The following SLC7A8 variants were observed in gnomAD, a reference collection of about 807,000 sequenced individuals.
SLC7A8 encodes the protein large neutral amino acids transporter small subunit 2.
A neutral mutation model predicts 51.2 loss-of-function variants in SLC7A8; 30 were observed. That is an observed-to-expected ratio of 0.59 (90% CI 0.44 to 0.80). The LOEUF (loss-of-function observed/expected upper bound fraction) is 0.80. Among genes scored for constraint, SLC7A8 ranks in the 30% least tolerant of loss-of-function variants. The pLI, the probability that SLC7A8 is intolerant of heterozygous loss-of-function variation, is 0.00. For missense variants in SLC7A8, 612 were observed against 674.4 expected (o/e 0.91, Z 1.03); for synonymous variants, 257 against 275.8 (o/e 0.93, Z 0.67).
chr14:23,164,610 CT>C (rs113840221), intron 3 of SLC7A8, among the ~76,000 whole-genome samples: 420 of 133,934 alleles, frequency 3.1e-3, no homozygotes, highest in Middle Eastern at 3.8e-3. Flanking sequence ...AAGTTTCTTT[CT>C]TTTTTTTTTT....
chr14:23,141,011 A>T (rs1474545721), intron 4 of SLC7A8, among the ~76,000 whole-genome samples: 2 of 152,230 alleles, frequency 1.3e-5, no homozygotes, highest in African/African-American at 4.8e-5. Context: ...GGTTGGGCAC[A>T]GTGGCTCAGG....
At chr14:23,162,524 C>A (rs571255473) in intron 3 of SLC7A8, among the ~76,000 whole-genome samples, 32 of 152,270 alleles carry the variant, frequency 2.1e-4, no homozygotes, top group Non-Finnish European at 4.0e-4. Flanking sequence ...GAATCTTTGA[C>A]TACAGGAATA....
rs537529061 is a variant in SLC7A8, at chr14:23,180,327, C to T, written c.151+2437G>A. On this transcript the variant is annotated intron_variant, in intron 1 of 10. Transcript: ENST00000316902. ...TTTGGTCTTGAAAACACTTGAATCA[C>T]GATCATCCACTGAGAAACTTCTCCA... Among the ~76,000 whole-genome samples the T allele has an allele frequency of 4.6e-5, 7 of 152,280 alleles. No individual in the cohort carries two copies. In the South Asian group the frequency reaches 6.2e-4, roughly 14 times the overall value.
chr14:23,169,446 G>A lies in SLC7A8; in HGVS notation c.152-2906C>T, dbSNP rs903342813. The stretch of plus-strand genomic sequence containing the variant: ...ACTAAGTGCTAGGGAACAGCCTGTC[G>A]CCCAGGCTGGAGTGCAGTGGCACGA... On this transcript the variant is annotated intron_variant, in intron 1 of 10. Coordinates refer to ENST00000316902, the MANE Select transcript of SLC7A8 (RefSeq NM_012244.4). Among the ~76,000 whole-genome samples, 54 of 152,188 alleles carry A rather than the reference G, an allele frequency of 3.5e-4. 1 individual carries two copies. Among genetic ancestry groups the A allele is most frequent in the South Asian group, 4.1e-4 (2 of 4,826 alleles).
At chr14:23,143,675 C>T (rs2048765515) in intron 3 of SLC7A8, among the ~76,000 whole-genome samples, 1 of 152,148 alleles carries the variant, frequency 6.6e-6, no homozygotes, top group Non-Finnish European at 1.5e-5. Context: ...TAAAACTCAC[C>T]TTTTTAAAGT....
chr14:23,165,222 AAAT>A lies in SLC7A8; in HGVS notation c.508+60_508+62del. 12 of 1,423,936 alleles carry A rather than the reference AAAT, an allele frequency of 8.4e-6. No homozygotes were observed. Among genetic ancestry groups the A allele is most frequent in the South Asian group, 6.1e-5 (4 of 65,566 alleles). The allele number at this position is 1,423,936 out of a possible 1,614,324, so 88.2% of individuals were successfully genotyped here. On this transcript the variant is annotated intron_variant, in intron 3 of 10. Transcript: ENST00000316902. This position sits in a 1 kb window ranked among gnomAD's most constrained non-coding sequence, Gnocchi z 4.2. Reference sequence around the variant, plus strand: ...GACAGAGTGAAGACTCTGTTTCTAAAAATAATAATAATAAATATAATAAAAGAG... The same window carrying A: ...GACAGAGTGAAGACTCTGTTTCTAAAAATAATAATAAATATAATAAAAGAG...
chr14:23,170,948 C>T (rs948456508), intron 1 of SLC7A8, among the ~76,000 whole-genome samples: 11 of 152,126 alleles, frequency 7.2e-5, no homozygotes, highest in African/African-American at 1.7e-4. Flanking sequence ...AGGCTGGTCT[C>T]GAATGCCTGG....
chr14:23,137,423 T>C (rs2048700769), intron 7 of SLC7A8, among the ~76,000 whole-genome samples: 1 of 152,128 alleles, frequency 6.6e-6, no homozygotes, highest in Admixed American at 6.5e-5. Flanking sequence ...CTTGGGGCAA[T>C]CAGGGTGAAG....
At chr14:23,170,180 G>C (rs974641535) in intron 1 of SLC7A8, among the ~76,000 whole-genome samples, 2 of 152,136 alleles carry the variant, frequency 1.3e-5, no homozygotes, top group African/African-American at 4.8e-5. Context: ...AGAGGTGAAG[G>C]GACTTTATCA....
At chr14:23,147,259 A>G (rs1448199983) in intron 3 of SLC7A8, among the ~76,000 whole-genome samples, 1 of 152,050 alleles carries the variant, frequency 6.6e-6, no homozygotes, top group Non-Finnish European at 1.5e-5. Context: ...CCATCTACTC[A>G]TCCGTCATTC....
chr14:23,154,244 GCTTCT>G, intron 3 of SLC7A8: 1 of 1,000,116 alleles, frequency 1.0e-6, no homozygotes, highest in South Asian at 4.7e-5. Context: ...AGAAGGGTTG[GCTTCT>G]CAGCCTCACC....
rs556199780 is a variant in SLC7A8 at position 23,159,135 on chromosome 14, T to G, written c.508+6150A>C. On this transcript the variant is annotated intron_variant, in intron 3 of 10. Coordinates refer to ENST00000316902, the MANE Select transcript of SLC7A8 (RefSeq NM_012244.4). ...TTGCATACGATTCTCTTCACTAGACTAATCTTTTCTAAGACTCTATAAATC... is the reference window on the plus strand; with the variant it reads ...TTGCATACGATTCTCTTCACTAGACGAATCTTTTCTAAGACTCTATAAATC... Among the ~76,000 whole-genome samples the G allele has an allele frequency of 2.0e-5, 3 of 152,360 alleles. No homozygotes were observed. The East Asian group carries it at 5.8e-4, about 29-fold the overall frequency.
intron 8 of SLC7A8, among the ~76,000 whole-genome samples, 170 bp downstream of exon 8, chr14:23,131,291 A>T (rs2048629959): frequency 6.6e-6 from 1 of 152,166 alleles, no homozygotes; most frequent in South Asian, 2.1e-4. Flanking sequence ...ATATCTCTTG[A>T]TATTAACAAA....
chr14:23,182,352 C>A (rs569138372), intron 1 of SLC7A8, among the ~76,000 whole-genome samples: 1 of 152,214 alleles, frequency 6.6e-6, no homozygotes, highest in South Asian at 2.1e-4. Flanking sequence ...AAATAGCTAC[C>A]AAATATACCT....
chr14:23,179,613 G>A lies in SLC7A8; in HGVS notation c.151+3151C>T, dbSNP rs146999008. Among the ~76,000 whole-genome samples, 848 of 151,918 alleles carry A rather than the reference G, an allele frequency of 5.6e-3. 4 individuals carry two copies. The highest frequency in any genetic ancestry group is 9.2e-3 in the Non-Finnish European group (626 of 67,944). On this transcript the variant is annotated intron_variant, in intron 1 of 10. Transcript: ENST00000316902. ...TCTTGAGCCCAGGAGTTGGAGACCA[G>A]CCTGGGCGATACAGTGAGACCCTGT... is the stretch of plus-strand genomic sequence containing the variant.
intron 1 of SLC7A8, among the ~76,000 whole-genome samples, chr14:23,179,707 G>A (rs914073686): frequency 6.6e-6 from 1 of 152,082 alleles, no homozygotes; most frequent in Non-Finnish European, 1.5e-5. Flanking sequence ...TACTGAGGAA[G>A]CTGAGGTGGA....
chr14:23,172,858 CA>C (rs2048981631), intron 1 of SLC7A8, among the ~76,000 whole-genome samples: 1 of 152,050 alleles, frequency 6.6e-6, no homozygotes, highest in Admixed American at 6.5e-5. Context: ...TTCTCAACCT[CA>C]GCACTGTTAC....
chr14:23,151,114 C>T (rs2048842872), intron 3 of SLC7A8, among the ~76,000 whole-genome samples: 1 of 152,204 alleles, frequency 6.6e-6, no homozygotes, highest in Admixed American at 6.5e-5. Flanking sequence ...AAGAGCTGTG[C>T]GGTTGCTGCC....
At chr14:23,163,298 C>T (rs1352880810) in intron 3 of SLC7A8, among the ~76,000 whole-genome samples, 1 of 152,114 alleles carries the variant, frequency 6.6e-6, no homozygotes, top group Non-Finnish European at 1.5e-5. Flanking sequence ...GTAGGGTGGA[C>T]GAGTGATTTT....
Sources: allele counts gnomAD v4.1 joint callset (sites outside exome capture counted in the v4.1 genomes callset), GRCh38; gene constraint gnomAD v4.1.1; non-coding constraint Gnocchi (gnomAD v3.1); transcripts MANE v1.5; gene names NCBI Gene and HGNC (gene_info 2026-07-23, HGNC 2026-07-21).